Variants in RYR3 observed in about 807,000 individuals in gnomAD.
RYR3 encodes the protein ryanodine receptor 3.
Under a neutral mutation model 584.3 loss-of-function variants are expected in RYR3, and 207 were observed. That is an observed-to-expected ratio of 0.35 (90% CI 0.32 to 0.40). RYR3 has a LOEUF of 0.40. RYR3 is among the 10% of genes least tolerant of loss of function. The pLI, the probability that RYR3 is intolerant of heterozygous loss-of-function variation, is 1.00. For missense variants in RYR3, 5,616 were observed against 6,089.2 expected, an observed-to-expected ratio of 0.92 and a Z score of 2.59; for synonymous variants, 2,416 against 2,248.5, an observed-to-expected ratio of 1.07 and a Z score of -2.11.
In RYR3 at chr15:33,865,506, C is replaced by CTAGTTTAGTTTGTTGGGATGG. The variant is rs1890204205; in HGVS notation, c.*285_*286insTAGTTTGTTGGGATGGTAGTT. 5.4e-6 allele frequency: 2 copies of CTAGTTTAGTTTGTTGGGATGG among 367,830 alleles called. No homozygotes were observed. Among genetic ancestry groups the CTAGTTTAGTTTGTTGGGATGG allele is most frequent in the African/African-American group, 4.1e-5 (2 of 48,780 alleles). 22.8% of individuals were successfully genotyped at this position (367,830 alleles called of 1,614,324 possible). A position where few individuals can be genotyped will look rare whatever the true frequency, so the allele number is the denominator to read the frequency against. On this transcript the variant is annotated 3_prime_UTR_variant, in exon 104 of 104. Transcript: ENST00000634891. ...TTCAAGTTTTCCAGTTCTGAGGTAA[C>CTAGTTTAGTTTGTTGGGATGG]TAGTTCAGTTTGTTGGGATGGAAGC...
chr15:33,406,855 G>A (rs1337941316), intron 1 of RYR3, among the ~76,000 whole-genome samples: 3 of 152,130 alleles, frequency 2.0e-5, no homozygotes, highest in Non-Finnish European at 4.4e-5. Flanking sequence ...TGAATTGAGT[G>A]TTTATTCAGA....
At chr15:33,357,977 C>T (rs1273842886) in intron 1 of RYR3, among the ~76,000 whole-genome samples, 1 of 152,208 alleles carries the variant, frequency 6.6e-6, no homozygotes, top group Admixed American at 6.5e-5. Context: ...TGATTCTGTC[C>T]TTGCATTTGC....
chr15:33,843,553 C>G lies in RYR3; in HGVS notation c.13275C>G (p.Asn4425Lys). The G allele has an allele frequency of 6.3e-7, 1 of 1,593,938 alleles. No individual in the cohort carries two copies. Among genetic ancestry groups the G allele is most frequent in the African/African-American group, 1.3e-5 (1 of 74,900 alleles). ...FLALFVAFAI[N>K]FILLFYKVTE... The stretch of plus-strand genomic sequence containing the variant: ...CTCTGTTTGTAGCCTTCGCTATCAA[C>G]TTCATCCTGCTTTTTTATAAGGTGA... Residue 4425 changes from asparagine (N) to lysine (K), a missense_variant, in exon 92 of 104, where the codon AAC becomes AAG. Physicochemically the swap from Asn to Lys is moderately conservative, Grantham distance 94 (BLOSUM62 0). This residue lies in a region of RYR3 where 918 missense variants were observed against 887.4 expected (regional missense o/e 1.03). Transcript: ENST00000634891.
intron 66 of RYR3, 70 bp from the exon 67 acceptor site, chr15:33,788,148 C>T: frequency 6.3e-7 from 1 of 1,593,964 alleles, no homozygotes. Context: ...CCTCACCTTT[C>T]AGTCATGTCT....
intron 1 of RYR3, among the ~76,000 whole-genome samples, chr15:33,345,178 A>G (rs528914664): frequency 6.6e-6 from 1 of 152,332 alleles, no homozygotes; most frequent in East Asian, 1.9e-4. Context: ...AGGAAAAAGA[A>G]GAATAGAACA....
intron 12 of RYR3, among the ~76,000 whole-genome samples, chr15:33,568,935 T>C (rs1277359762): frequency 6.6e-6 from 1 of 152,234 alleles, no homozygotes; most frequent in African/African-American, 2.4e-5. Flanking sequence ...ATATGTTGTC[T>C]TTTGAATCTG....
At chr15:33,641,227 C>CT (rs1439210260) in intron 27 of RYR3, among the ~76,000 whole-genome samples, 1 of 152,264 alleles carries the variant, frequency 6.6e-6, no homozygotes, top group East Asian at 1.9e-4. Flanking sequence ...CCGTTGCTTG[C>CT]TGTGGACTCC....
chr15:33,470,933 A>G (rs2048873990), intron 1 of RYR3, among the ~76,000 whole-genome samples: 1 of 152,198 alleles, frequency 6.6e-6, no homozygotes, highest in African/African-American at 2.4e-5. Flanking sequence ...TCTAGGGGAG[A>G]AAGTGCAAAC....
intron 1 of RYR3, among the ~76,000 whole-genome samples, chr15:33,382,311 A>T (rs2041245205): frequency 7.0e-6 from 1 of 142,430 alleles, no homozygotes; most frequent in South Asian, 2.1e-4. Flanking sequence ...TGCTAATTTT[A>T]AAAGTGGCTT....
At chr15:33,550,383 A>T in intron 10 of RYR3, 67 bp downstream of exon 10, 1 of 1,451,016 alleles carries the variant, frequency 6.9e-7, no homozygotes, top group Non-Finnish European at 9.3e-7. Flanking sequence ...TCCAGGCAGA[A>T]CTATAACTGG....
chr15:33,317,354 T>C (rs964640289), intron 1 of RYR3, among the ~76,000 whole-genome samples: 21 of 152,192 alleles, frequency 1.4e-4, no homozygotes, highest in Non-Finnish European at 2.5e-4. Flanking sequence ...ATGAAGCAGA[T>C]GCTTCTAGGG....
chr15:33,554,441 A>G (rs948649131), intron 10 of RYR3, among the ~76,000 whole-genome samples: 9 of 151,842 alleles, frequency 5.9e-5, no homozygotes, highest in African/African-American at 1.7e-4. Flanking sequence ...GACTACAGGC[A>G]CCCACCACCA....
chr15:33,342,328 T>C (rs561790355), intron 1 of RYR3, among the ~76,000 whole-genome samples: 1 of 152,226 alleles, frequency 6.6e-6, no homozygotes, highest in South Asian at 2.1e-4. Context: ...AAATACAAGA[T>C]GACAGAAGTT....
At chr15:33,535,449 T>G (rs2055244071) in intron 5 of RYR3, among the ~76,000 whole-genome samples, 1 of 152,246 alleles carries the variant, frequency 6.6e-6, no homozygotes, top group Non-Finnish European at 1.5e-5. Flanking sequence ...GATTTAAAGT[T>G]TCTTTGTTTT....
intron 19 of RYR3, among the ~76,000 whole-genome samples, chr15:33,620,366 A>T (rs1317329980): frequency 6.6e-6 from 1 of 152,160 alleles, no homozygotes; most frequent in Non-Finnish European, 1.5e-5. Flanking sequence ...AGTTCTCTCC[A>T]AAGGAATTCT....
intron 43 of RYR3, among the ~76,000 whole-genome samples, chr15:33,720,466 C>T (rs893303216): frequency 6.6e-6 from 1 of 152,178 alleles, no homozygotes; most frequent in East Asian, 1.9e-4. Context: ...CTAGATGGAG[C>T]ATGCATATCT....
chr15:33,431,770 A>G (rs886897594), intron 1 of RYR3, among the ~76,000 whole-genome samples: 1 of 152,206 alleles, frequency 6.6e-6, no homozygotes, highest in Non-Finnish European at 1.5e-5. Context: ...CAACAGAGAT[A>G]GAAGACGGAG....
chr15:33,763,459 A>T (rs2072690323), intron 60 of RYR3, among the ~76,000 whole-genome samples: 1 of 152,206 alleles, frequency 6.6e-6, no homozygotes, highest in African/African-American at 2.4e-5. Context: ...GGTGAAGGAT[A>T]TGAACAGACA....
chr15:33,328,199 T>C (rs1376906496), intron 1 of RYR3, among the ~76,000 whole-genome samples: 3 of 152,230 alleles, frequency 2.0e-5, no homozygotes, highest in Admixed American at 2.0e-4. Context: ...TTATTTGAAA[T>C]CTGACATCTC....
Sources: gnomAD v4.1 joint callset for allele counts (sites outside exome capture counted in the v4.1 genomes callset) on GRCh38, gnomAD v4.1.1 for gene constraint, gnomAD v4.1.1 regional missense constraint, MANE v1.5 for transcripts, NCBI Gene and HGNC (gene_info 2026-07-23, HGNC 2026-07-21) for gene names.